CACNA2D3: variants seen among roughly 807,000 people sequenced by gnomAD.
CACNA2D3 encodes calcium voltage-gated channel auxiliary subunit alpha2delta 3, also known as voltage-dependent calcium channel subunit alpha-2/delta-3.
Under a neutral mutation model 160.6 loss-of-function variants are expected in CACNA2D3, and 60 were observed. That is an observed-to-expected ratio of 0.37 (90% CI 0.30 to 0.46). CACNA2D3 has a LOEUF of 0.46. Ranked by LOEUF, CACNA2D3 falls within the 20% of genes least tolerant of loss-of-function variation. CACNA2D3 has a pLI of 1.00. For synonymous variants in CACNA2D3, 558 were observed against 492.9 expected, an observed-to-expected ratio of 1.13 and a Z score of -1.75; for missense variants, 1,205 against 1,365.0, an observed-to-expected ratio of 0.88 and a Z score of 1.85.
intron 27 of CACNA2D3, among the ~76,000 whole-genome samples, chr3:54,942,147 C>G (rs1467607516): frequency 1.3e-5 from 2 of 152,200 alleles, no homozygotes; most frequent in African/African-American, 4.8e-5. Flanking sequence ...CATCCCAGAG[C>G]ATCTGCAGAA....
intron 9 of CACNA2D3, among the ~76,000 whole-genome samples, chr3:54,583,065 T>G (rs911651602): frequency 3.9e-5 from 6 of 152,190 alleles, no homozygotes; most frequent in Non-Finnish European, 5.9e-5. Context: ...AAAAGTGACT[T>G]AAGTCTATAG....
intron 35 of CACNA2D3, among the ~76,000 whole-genome samples, chr3:55,058,305 G>A (rs987314683): frequency 6.6e-6 from 1 of 152,194 alleles, no homozygotes; most frequent in Non-Finnish European, 1.5e-5. Context: ...TAGAGTCAAA[G>A]TAGGAAGGCA....
At chr3:54,481,460 C>T (rs539232458) in intron 4 of CACNA2D3, among the ~76,000 whole-genome samples, 1 of 152,302 alleles carries the variant, frequency 6.6e-6, no homozygotes, top group East Asian at 1.9e-4. Flanking sequence ...GGTGGCTTCT[C>T]AGTGACCTGG....
intron 13 of CACNA2D3, among the ~76,000 whole-genome samples, chr3:54,770,972 C>T (rs1240802367): frequency 6.6e-6 from 1 of 152,260 alleles, no homozygotes; most frequent in East Asian, 1.9e-4. Flanking sequence ...AAAACATCTT[C>T]CTTGCATTCA....
chr3:54,989,556 T>C (rs2107111839), intron 31 of CACNA2D3, among the ~76,000 whole-genome samples: 1 of 152,314 alleles, frequency 6.6e-6, no homozygotes, highest in African/African-American at 2.4e-5. Context: ...GGGTCAAATC[T>C]AGGCTCTGAC....
chr3:54,646,692 T>C (rs1351216763), intron 11 of CACNA2D3, among the ~76,000 whole-genome samples: 4 of 152,216 alleles, frequency 2.6e-5, no homozygotes, highest in Admixed American at 6.5e-5. Flanking sequence ...GACTTTGCTA[T>C]TGTAAATAGT....
chr3:54,411,074 C>T (rs551052969), intron 4 of CACNA2D3, among the ~76,000 whole-genome samples: 1 of 152,194 alleles, frequency 6.6e-6, no homozygotes, highest in African/African-American at 2.4e-5. Flanking sequence ...AGAAACGGAA[C>T]CTGAAAATGT....
intron 13 of CACNA2D3, among the ~76,000 whole-genome samples, chr3:54,808,338 G>C (rs1385398375): frequency 6.6e-6 from 1 of 152,186 alleles, no homozygotes. Flanking sequence ...CATGGGTGCT[G>C]AGCTCTGCCA....
intron 35 of CACNA2D3, among the ~76,000 whole-genome samples, chr3:55,038,800 G>A: frequency 6.7e-6 from 1 of 148,458 alleles, no homozygotes; most frequent in African/African-American, 2.5e-5. Flanking sequence ...CGTGGTTCTT[G>A]AGATAGTTAT....
intron 9 of CACNA2D3, among the ~76,000 whole-genome samples, 179 bp downstream of exon 9, chr3:54,582,056 A>C (rs747018205): frequency 1.3e-5 from 2 of 152,234 alleles, no homozygotes; most frequent in Non-Finnish European, 2.9e-5. Context: ...AAATAATTAC[A>C]TTGAATTCAA....
intron 14 of CACNA2D3, among the ~76,000 whole-genome samples, chr3:54,822,822 T>TC (rs1559595796): frequency 1.8e-5 from 2 of 110,884 alleles, no homozygotes; most frequent in African/African-American, 8.6e-5. Flanking sequence ...TTTCTTTCTT[T>TC]CTTTCTTTCT....
intron 5 of CACNA2D3, among the ~76,000 whole-genome samples, chr3:54,506,732 A>C (rs1005194602): frequency 6.6e-6 from 1 of 152,168 alleles, no homozygotes; most frequent in African/African-American, 2.4e-5. Flanking sequence ...CTCCTTCAGC[A>C]GATGTTTGCT....
intron 11 of CACNA2D3, among the ~76,000 whole-genome samples, chr3:54,655,786 C>CT (rs1351712549): frequency 2.0e-5 from 3 of 152,162 alleles, no homozygotes; most frequent in East Asian, 3.8e-4. Flanking sequence ...AAGAGCCTGT[C>CT]TGTATTAGTG....
chr3:54,569,376 C>G (rs9874658), intron 6 of CACNA2D3, among the ~76,000 whole-genome samples: 38,892 of 152,146 alleles, frequency 0.26, 5,433 homozygotes, highest in Middle Eastern at 0.39. Flanking sequence ...CAACCCCCCT[C>G]CTGTAGACAT....
intron 2 of CACNA2D3, among the ~76,000 whole-genome samples, chr3:54,294,257 C>G (rs1703279763): frequency 6.6e-6 from 1 of 152,178 alleles, no homozygotes; most frequent in African/African-American, 2.4e-5. Context: ...GGCCCATTTG[C>G]ACTTGGTCTT....
At chr3:55,003,095 A>G (rs950286682) in intron 31 of CACNA2D3, among the ~76,000 whole-genome samples, 1 of 152,174 alleles carries the variant, frequency 6.6e-6, no homozygotes, top group African/African-American at 2.4e-5. Context: ...TTTTACATCT[A>G]CAGGTCTTTC....
chr3:54,256,838 G>T (rs1559898280), intron 2 of CACNA2D3, among the ~76,000 whole-genome samples: 1 of 151,060 alleles, frequency 6.6e-6, no homozygotes, highest in Non-Finnish European at 1.5e-5. Flanking sequence ...TTCTTATCCA[G>T]AAGGTCTGTA....
intron 35 of CACNA2D3, among the ~76,000 whole-genome samples, chr3:55,065,224 T>C (rs929601516): frequency 3.9e-5 from 6 of 152,312 alleles, no homozygotes; most frequent in African/African-American, 1.4e-4. Context: ...CCATGCTGTA[T>C]AGGGTGTCTT....
intron 2 of CACNA2D3, among the ~76,000 whole-genome samples, chr3:54,228,247 C>G (rs765959651): frequency 2.6e-5 from 4 of 152,178 alleles, no homozygotes; most frequent in Non-Finnish European, 5.9e-5. Context: ...TGGCTTCCTT[C>G]ACAGGATGGT....
Sources: gnomAD v4.1 joint callset for allele counts (sites outside exome capture counted in the v4.1 genomes callset) on GRCh38, gnomAD v4.1.1 for gene constraint, MANE v1.5 for transcripts, NCBI Gene and HGNC (gene_info 2026-07-23, HGNC 2026-07-21) for gene names.